The following SGSM2 variants were observed in gnomAD, a reference collection of about 807,000 sequenced individuals.
SGSM2 encodes the protein RUN and TBC1 domain containing 1.
SGSM2 carries 89 observed loss-of-function variants against 126.6 expected under a neutral mutation model. The ratio of observed to expected loss-of-function variants is 0.70; its 90% CI spans 0.59 to 0.84. SGSM2 has a LOEUF of 0.84. Among genes scored for constraint, SGSM2 ranks in the 40% least tolerant of loss-of-function variants. The pLI is 0.00. For synonymous variants in SGSM2, 614 were observed against 574.3 expected (o/e 1.07, Z -0.99); for missense variants, 1,404 against 1,416.6 (o/e 0.99, Z 0.14).
At chr17:2,338,740 T>G (rs2151455267) in intron 1 of SGSM2, among the ~76,000 whole-genome samples, 1 of 148,628 alleles carries the variant, frequency 6.7e-6, no homozygotes. Flanking sequence ...TGGACCTAAT[T>G]CTGTGTGACC....
Position 2,337,855 on chromosome 17 carries a change from C to A in SGSM2, c.57+110C>A. On this transcript the variant is annotated intron_variant, in intron 1 of 23. Coordinates refer to ENST00000268989, the MANE Select transcript of SGSM2 (RefSeq NM_014853.3). This position sits in a 1 kb window ranked among gnomAD's most constrained non-coding sequence, Gnocchi z 5.1. ...CGCGGGCACCCGGGCCGAACCTGGG[C>A]CGGGCGGGGCGGGTCCTGGACGGGC... 1 of 655,620 alleles carries A rather than the reference C, an allele frequency of 1.5e-6. No individual in the cohort carries two copies. Among genetic ancestry groups the A allele is most frequent in the Non-Finnish European group, 2.2e-6 (1 of 454,856 alleles). The allele number at this position is 655,620 out of a possible 1,614,324, so 40.6% of individuals were successfully genotyped here. A position where few individuals can be genotyped will look rare whatever the true frequency, so the allele number is the denominator to read the frequency against.
chr17:2,375,161 G>T, intron 17 of SGSM2: 1 of 240,002 alleles, frequency 4.2e-6, no homozygotes. Context: ...GACTTCAGGC[G>T]TTTCTAGAAT....
In SGSM2 at chr17:2,367,117, C is replaced by A. The variant is rs2151591594; in HGVS notation, c.1289-154C>A. The A allele has an allele frequency of 8.1e-6, 7 of 866,058 alleles. No individual in the cohort carries two copies. The highest frequency in any genetic ancestry group is 1.2e-5 in the Non-Finnish European group (7 of 584,236). The allele number at this position is 866,058 out of a possible 1,614,324, so 53.6% of individuals were successfully genotyped here. ...TTCCACACTCTCCCAGGAAAATCAT[C>A]CAAAGAGCTTTCTGGTCCCCTCCCT... On this transcript the variant is annotated intron_variant, in intron 11 of 23. Coordinates refer to ENST00000268989, the MANE Select transcript of SGSM2 (RefSeq NM_014853.3). This position sits in a 1 kb window ranked among gnomAD's most constrained non-coding sequence, Gnocchi z 4.0.
In SGSM2 at chr17:2,365,128, A is replaced by C; in HGVS notation, c.1161+71A>C. The C allele has an allele frequency of 4.4e-6, 7 of 1,596,916 alleles. No individual in the cohort carries two copies. In the South Asian group the frequency reaches 7.8e-5, roughly 18 times the overall value. ...CTCTGCCCGCCTCCCTTCCTTCCCCACGTGGAGTTCTTAGGAGCGGCCTTG... is the reference window on the plus strand; with the variant it reads ...CTCTGCCCGCCTCCCTTCCTTCCCCCCGTGGAGTTCTTAGGAGCGGCCTTG... On this transcript the variant is annotated intron_variant, in intron 10 of 23. Transcript: ENST00000268989.
chr17:2,376,271 G>C lies in SGSM2; in HGVS notation c.2609+10G>C. The C allele has an allele frequency of 6.2e-7, 1 of 1,613,492 alleles. No individual in the cohort carries two copies. Among genetic ancestry groups the C allele is most frequent in the African/African-American group, 1.3e-5 (1 of 75,042 alleles). On this transcript the variant is annotated intron_variant, in intron 19 of 23. Coordinates refer to ENST00000268989, the MANE Select transcript of SGSM2 (RefSeq NM_014853.3). ...GAGACGTCATGTGCAGGTGCCTTGT[G>C]GGGCGGGGCTCAGGGTGGGAGGCGG...
At chr17:2,365,773 G>A (rs1467516301) in intron 11 of SGSM2, among the ~76,000 whole-genome samples, 2 of 139,056 alleles carry the variant, frequency 1.4e-5, no homozygotes, top group South Asian at 2.2e-4. Flanking sequence ...TTGAGACGAC[G>A]TCTCGCTCTT....
rs947495160 is a variant in SGSM2, at chr17:2,373,089, G to A, written c.1917+8G>A. The stretch of plus-strand genomic sequence containing the variant: ...AAGAAGGAGATGGAGCAGGTGAGGG[G>A]AGCCTGTTCCCATGGGGCTGATGAG... On this transcript the variant is annotated splice_region_variant and intron_variant, in intron 16 of 23. Transcript: ENST00000268989. 1.2e-6 allele frequency: 2 copies of A among 1,601,356 alleles called. No individual in the cohort carries two copies. Among genetic ancestry groups the A allele is most frequent in the Admixed American group, 1.7e-5 (1 of 58,660 alleles).
chr17:2,375,491 G>T lies in SGSM2; in HGVS notation c.2101-1G>T. 6.2e-7 allele frequency: 1 copy of T among 1,605,446 alleles called. No individual in the cohort carries two copies. The highest frequency in any genetic ancestry group is 8.5e-7 in the Non-Finnish European group (1 of 1,174,848). ...GGAGCCGCCCTGTGTTCACCCCCCA[G>T]GTGTTTATCTCAGTGGATGATCTGG... On this transcript the variant is annotated splice_acceptor_variant, in intron 17 of 23. Transcript: ENST00000268989. LOFTEE classifies it high-confidence loss of function.
chr17:2,349,738 T>C (rs1278152882), intron 2 of SGSM2, among the ~76,000 whole-genome samples: 2 of 152,042 alleles, frequency 1.3e-5, no homozygotes, highest in African/African-American at 2.4e-5. Context: ...GCAGCTGTTA[T>C]ACTGTCCCCT....
chr17:2,346,481 G>C (rs2064601699), intron 2 of SGSM2, among the ~76,000 whole-genome samples: 1 of 152,190 alleles, frequency 6.6e-6, no homozygotes. Flanking sequence ...GCAAACCCAG[G>C]AAAGTTTGCA....
chr17:2,379,707 C>T lies in SGSM2; in HGVS notation c.*187C>T. ...AGGGCAAGTCAGGGGCCAGGATGCC[C>T]TCGGATCAGGGCCGGGATGGGAGGG... On this transcript the variant is annotated 3_prime_UTR_variant, in exon 24 of 24. Transcript: ENST00000268989. The T allele has an allele frequency of 1.4e-6, 2 of 1,421,256 alleles. No individual in the cohort carries two copies. The highest frequency in any genetic ancestry group is 1.8e-6 in the Non-Finnish European group (2 of 1,086,960). The allele number at this position is 1,421,256 out of a possible 1,614,324, so 88.0% of individuals were successfully genotyped here. A position where few individuals can be genotyped will look rare whatever the true frequency, so the allele number is the denominator to read the frequency against.
intron 12 of SGSM2, among the ~76,000 whole-genome samples, chr17:2,371,046 C>T (rs553740420): frequency 3.7e-4 from 57 of 152,324 alleles, no homozygotes; most frequent in African/African-American, 1.4e-3. Flanking sequence ...CGCCTTGCGC[C>T]CCTCTCCAGG....
At position 2,363,045 on chromosome 17, in the gene SGSM2, G is replaced by A; in HGVS notation, c.583G>A (p.Asp195Asn). 6.2e-7 allele frequency: 1 copy of A among 1,613,992 alleles called. No homozygotes were observed. The highest frequency in any genetic ancestry group is 8.5e-7 in the Non-Finnish European group (1 of 1,180,046). ...CAAGACAGCCGATCACTACTGGACT[G>A]ACCCCTCTGCTGATGAGCTGGTCCA... The part of the protein sequence containing the change: ...KLKTADHYWT[D>N]PSADELVQRH... The change falls in exon 6 of 24, where the codon GAC becomes AAC. Residue 195 changes from aspartate (D) to asparagine (N), a missense_variant. Asp to Asn is a conservative substitution (Grantham distance 23). Transcript: ENST00000268989. This position sits in a 1 kb window ranked among gnomAD's most constrained non-coding sequence, Gnocchi z 4.2.
chr17:2,379,872 C>G lies in SGSM2; in HGVS notation c.*352C>G, dbSNP rs1015793029. The G allele has an allele frequency of 3.4e-5, 44 of 1,305,234 alleles. No individual in the cohort carries two copies. The highest frequency in any genetic ancestry group is 4.2e-5 in the Non-Finnish European group (43 of 1,021,130). The allele number at this position is 1,305,234 out of a possible 1,614,324, so 80.9% of individuals were successfully genotyped here. ...TGAACCTGGGGCCCCACAGGATTAA[C>G]AGGGGCTATAGCGGCCTGGGCCCTA... is the stretch of plus-strand genomic sequence containing the variant. On this transcript the variant is annotated 3_prime_UTR_variant, in exon 24 of 24. Coordinates refer to ENST00000268989, the MANE Select transcript of SGSM2 (RefSeq NM_014853.3).
chr17:2,349,814 G>A (rs529491996), intron 2 of SGSM2, among the ~76,000 whole-genome samples: 8 of 148,922 alleles, frequency 5.4e-5, no homozygotes, highest in Non-Finnish European at 1.0e-4. Flanking sequence ...TTGAGATGGA[G>A]TCTCCCTCTG....
rs1034888085 is a variant in SGSM2 at position 2,372,809 on chromosome 17, G to A, written c.1789-144G>A. The A allele has an allele frequency of 2.9e-5, 33 of 1,149,864 alleles. No individual in the cohort carries two copies. Among genetic ancestry groups the A allele is most frequent in the East Asian group, 5.2e-5 (2 of 38,496 alleles). 71.2% of individuals were successfully genotyped at this position (1,149,864 alleles called of 1,614,324 possible). A position where few individuals can be genotyped will look rare whatever the true frequency, so the allele number is the denominator to read the frequency against. ...ACTGTGAGCTGGGGCACGGGAGGAC[G>A]TGGCCACCCCAAAGCAGGCCTTGCC... On this transcript the variant is annotated intron_variant, in intron 15 of 23. Transcript: ENST00000268989. This position sits in a 1 kb window ranked among gnomAD's most constrained non-coding sequence, Gnocchi z 6.0.
intron 12 of SGSM2, among the ~76,000 whole-genome samples, chr17:2,369,014 C>T (rs1431182449): frequency 6.6e-6 from 1 of 152,190 alleles, no homozygotes; most frequent in African/African-American, 2.4e-5. Context: ...GTCCAGAGGC[C>T]TCAGGGCTCA....
chr17:2,348,796 C>T (rs1453678678), intron 2 of SGSM2, among the ~76,000 whole-genome samples: 1 of 152,144 alleles, frequency 6.6e-6, no homozygotes, highest in African/African-American at 2.4e-5. Flanking sequence ...TGGAGTCTCA[C>T]TCTGTCTCCC....
In SGSM2 at chr17:2,337,717, A is replaced by G; in HGVS notation, c.29A>G (p.Glu10Gly). 3 of 1,544,836 alleles carry G rather than the reference A, an allele frequency of 1.9e-6. No individual in the cohort carries two copies. Among genetic ancestry groups the G allele is most frequent in the East Asian group, 2.5e-5 (1 of 39,338 alleles). ...GGCAGCGCAGAGGACGCAGTCAAAG[A>G]GAAACTGCTGTGGAACGTGAAGAAG... The part of the protein sequence containing the change: MGSAEDAVK[E>G]KLLWNVKKEV... Residue 10 changes from glutamate (E) to glycine (G), a missense_variant, in exon 1 of 24, where the codon GAG becomes GGG. Transcript: ENST00000268989. The surrounding 1 kb of genome is among the most constrained non-coding windows in gnomAD (Gnocchi z 5.1).
Sources: allele counts gnomAD v4.1 joint callset (sites outside exome capture counted in the v4.1 genomes callset), GRCh38; gene constraint gnomAD v4.1.1; non-coding constraint Gnocchi (gnomAD v3.1); transcripts MANE v1.5; gene names NCBI Gene and HGNC (gene_info 2026-07-23, HGNC 2026-07-21).